The following RNF180 variants were observed in gnomAD, a reference collection of about 807,000 sequenced individuals.
The protein encoded by RNF180 is E3 ubiquitin-protein ligase RNF180.
RNF180 carries 38 observed loss-of-function variants against 59.2 expected under a neutral mutation model. That is an observed-to-expected ratio of 0.64 (90% CI 0.50 to 0.84). The LOEUF (loss-of-function observed/expected upper bound fraction) is 0.84. RNF180 is among the 40% of genes least tolerant of loss of function. RNF180 has a pLI of 0.00. For missense variants in RNF180, 705 were observed against 700.9 expected, an observed-to-expected ratio of 1.01 and a Z score of -0.07; for synonymous variants, 262 against 240.3, an observed-to-expected ratio of 1.09 and a Z score of -0.84.
chr5:64,266,011 GCTCA>G (rs1194947883), intron 5 of RNF180, among the ~76,000 whole-genome samples: 1 of 152,036 alleles, frequency 6.6e-6, no homozygotes, highest in Non-Finnish European at 1.5e-5. Context: ...TCATGATTTG[GCTCA>G]CTGTTTGTCT....
chr5:64,357,109 G>T (rs758579667), intron 7 of RNF180, among the ~76,000 whole-genome samples: 1 of 151,770 alleles, frequency 6.6e-6, no homozygotes, highest in Non-Finnish European at 1.5e-5. Flanking sequence ...TGAAATTTAA[G>T]CAGATGTTAT....
At chr5:64,296,815 G>T (rs923320445) in intron 5 of RNF180, among the ~76,000 whole-genome samples, 24 of 152,126 alleles carry the variant, frequency 1.6e-4, no homozygotes, top group African/African-American at 5.8e-4. Context: ...GACTTGTACT[G>T]TCTGCCTGGA....
intron 5 of RNF180, among the ~76,000 whole-genome samples, chr5:64,232,027 G>A (rs1742130192): frequency 6.6e-6 from 1 of 152,194 alleles, no homozygotes; most frequent in Non-Finnish European, 1.5e-5. Flanking sequence ...GAAGTCAAAA[G>A]TCTTTGACTG....
chr5:64,223,534 T>C (rs1048757163), intron 5 of RNF180, among the ~76,000 whole-genome samples: 1 of 136,384 alleles, frequency 7.3e-6, no homozygotes, highest in Non-Finnish European at 1.6e-5. Flanking sequence ...ATCCCTATTT[T>C]ATAGATGGAG....
chr5:64,202,104 G>A (rs1254156222), intron 2 of RNF180, among the ~76,000 whole-genome samples: 2 of 152,180 alleles, frequency 1.3e-5, no homozygotes, highest in Non-Finnish European at 2.9e-5. Flanking sequence ...TATCAGCCCT[G>A]CCATGAATCA....
rs555862435 is a variant in RNF180 at position 64,226,268 on chromosome 5, T to C, written c.1227+8872T>C. On this transcript the variant is annotated intron_variant, in intron 5 of 7. Coordinates refer to ENST00000389100, the MANE Select transcript of RNF180 (RefSeq NM_001113561.2). ...AAAGAAAGATCAGATTGTTACTGTG[T>C]CTGTGTAGAAAGAAGTAGACATAGG... Among the ~76,000 whole-genome samples the C allele has an allele frequency of 3.9e-5, 6 of 152,226 alleles. No individual in the cohort carries two copies. In the South Asian group the frequency reaches 1.2e-3, roughly 32 times the overall value.
chr5:64,265,718 TG>T (rs1744626785), intron 5 of RNF180, among the ~76,000 whole-genome samples: 1 of 152,214 alleles, frequency 6.6e-6, no homozygotes, highest in African/African-American at 2.4e-5. Flanking sequence ...GGCTCTTTTT[TG>T]GTGCCATATG....
At chr5:64,342,481 GC>G (rs1285755941) in intron 7 of RNF180, among the ~76,000 whole-genome samples, 1 of 152,114 alleles carries the variant, frequency 6.6e-6, no homozygotes, top group Admixed American at 6.6e-5. Context: ...TGAGACATTT[GC>G]TGAGAGCTTT....
At chr5:64,219,742 A>G (rs1042921119) in intron 5 of RNF180, among the ~76,000 whole-genome samples, 3 of 151,448 alleles carry the variant, frequency 2.0e-5, no homozygotes, top group African/African-American at 7.3e-5. Flanking sequence ...AATGGTCTCT[A>G]TCTCCTGACC....
intron 5 of RNF180, among the ~76,000 whole-genome samples, chr5:64,226,685 A>G (rs571605349): frequency 6.6e-6 from 1 of 152,238 alleles, no homozygotes; most frequent in African/African-American, 2.4e-5. Context: ...AAAAGAAAAA[A>G]TTTTTGTTGT....
chr5:64,217,441 C>T (rs1448386893), intron 5 of RNF180, 45 bp downstream of exon 5: 2 of 1,359,776 alleles, frequency 1.5e-6, no homozygotes, highest in Non-Finnish European at 1.9e-6. Flanking sequence ...AATTGTTTTC[C>T]AGAATGGCTG....
chr5:64,195,150 A>G (rs769781420), intron 1 of RNF180, among the ~76,000 whole-genome samples: 1 of 152,128 alleles, frequency 6.6e-6, no homozygotes, highest in South Asian at 2.1e-4. Context: ...AAATAAGGAA[A>G]ACTGTATAGG....
chr5:64,351,854 T>C (rs1308618129), intron 7 of RNF180, among the ~76,000 whole-genome samples: 3 of 152,076 alleles, frequency 2.0e-5, no homozygotes, highest in Non-Finnish European at 4.4e-5. Context: ...GGGATATTGG[T>C]CTAAAATTCT....
intron 5 of RNF180, among the ~76,000 whole-genome samples, chr5:64,240,487 A>C (rs1423373914): frequency 6.6e-6 from 1 of 152,238 alleles, no homozygotes; most frequent in Non-Finnish European, 1.5e-5. Context: ...TTGTTATTGC[A>C]GTTAAACATG....
At chr5:64,340,000 T>G (rs566933727) in intron 7 of RNF180, among the ~76,000 whole-genome samples, 2 of 152,292 alleles carry the variant, frequency 1.3e-5, no homozygotes, top group South Asian at 4.1e-4. Context: ...GATGACTCTG[T>G]CAATTGTAAT....
intron 7 of RNF180, among the ~76,000 whole-genome samples, chr5:64,336,526 C>T (rs571039168): frequency 6.6e-6 from 1 of 152,296 alleles, no homozygotes; most frequent in Admixed American, 6.5e-5. Context: ...TATGAGTATG[C>T]TTGACTAAAT....
intron 2 of RNF180, among the ~76,000 whole-genome samples, chr5:64,201,379 G>A (rs924293743): frequency 6.6e-6 from 1 of 152,136 alleles, no homozygotes; most frequent in African/African-American, 2.4e-5. Context: ...TAATATAAAA[G>A]TAACCCATAG....
At chr5:64,197,516 T>A (rs1013007448) in intron 1 of RNF180, among the ~76,000 whole-genome samples, 2 of 152,188 alleles carry the variant, frequency 1.3e-5, no homozygotes, top group African/African-American at 4.8e-5. Context: ...ATGGTGACAA[T>A]CTATACTAGG....
intron 5 of RNF180, among the ~76,000 whole-genome samples, chr5:64,317,083 GA>G (rs1744076818): frequency 6.6e-6 from 1 of 152,026 alleles, no homozygotes; most frequent in South Asian, 2.1e-4. Context: ...TATATTTATT[GA>G]AAAAAATCCA....
Sources: allele counts gnomAD v4.1 joint callset (sites outside exome capture counted in the v4.1 genomes callset), GRCh38; gene constraint gnomAD v4.1.1; transcripts MANE v1.5; gene names NCBI Gene and HGNC (gene_info 2026-07-23, HGNC 2026-07-21).